PAM: variants seen among roughly 807,000 people sequenced by gnomAD.
PAM encodes peptidyl-glycine alpha-amidating monooxygenase.
A neutral mutation model predicts 122.1 loss-of-function variants in PAM; 72 were observed. The observed-to-expected ratio is 0.59, with a 90% CI of 0.49 to 0.72. PAM has a LOEUF of 0.72. Among genes scored for constraint, PAM ranks in the 30% least tolerant of loss-of-function variants. The pLI, the probability that PAM is intolerant of heterozygous loss-of-function variation, is 0.00. For synonymous variants in PAM, 389 were observed against 404.4 expected (o/e 0.96, Z 0.46); for missense variants, 1,106 against 1,183.7 (o/e 0.93, Z 0.96).
chr5:102,983,762 G>C (rs931030799), intron 15 of PAM, among the ~76,000 whole-genome samples: 1 of 152,084 alleles, frequency 6.6e-6, no homozygotes, highest in African/African-American at 2.4e-5. Context: ...GTTAAAAACA[G>C]AGACTAAATT....
chr5:102,886,964 G>T (rs775417546), intron 3 of PAM, among the ~76,000 whole-genome samples: 15 of 152,052 alleles, frequency 9.9e-5, no homozygotes, highest in Non-Finnish European at 2.1e-4. Flanking sequence ...AAAGTAAGTT[G>T]GATGATGACC....
chr5:102,938,455 A>C (rs1001653756), intron 7 of PAM, among the ~76,000 whole-genome samples: 1 of 152,192 alleles, frequency 6.6e-6, no homozygotes, highest in Non-Finnish European at 1.5e-5. Context: ...GATTTTTAAA[A>C]AAGTAATTCA....
intron 5 of PAM, among the ~76,000 whole-genome samples, chr5:102,923,398 C>T (rs1254234037): frequency 6.6e-6 from 1 of 152,160 alleles, no homozygotes; most frequent in Non-Finnish European, 1.5e-5. Flanking sequence ...GGGCAGTGTA[C>T]ATTTTTTTCT....
In PAM at chr5:102,944,631, A is replaced by G. The variant is rs376865257; in HGVS notation, c.527-2206A>G. Among the ~76,000 whole-genome samples the G allele has an allele frequency of 1.2e-4, 19 of 152,262 alleles. No homozygotes were observed. The East Asian group carries it at 3.1e-3, about 25-fold the overall frequency. ...CTTCAAGCCCAAAACTCAGAAAAAA[A>G]ATAAGGTTGTCTTGGGACTGGTCAA... On this transcript the variant is annotated intron_variant, in intron 7 of 25. Coordinates refer to ENST00000438793, the MANE Select transcript of PAM (RefSeq NM_001177306.2).
At chr5:102,802,682 A>G (rs1390975861) in intron 1 of PAM, among the ~76,000 whole-genome samples, 1 of 152,182 alleles carries the variant, frequency 6.6e-6, no homozygotes, top group Non-Finnish European at 1.5e-5. Flanking sequence ...CTATTTCTGT[A>G]TCACCCAGTT....
chr5:102,878,931 T>G (rs1025273947), intron 3 of PAM, among the ~76,000 whole-genome samples: 5 of 152,180 alleles, frequency 3.3e-5, no homozygotes, highest in East Asian at 3.9e-4. Context: ...TCTTTTTTTT[T>G]TTGTTTTTTG....
chr5:102,995,702 T>C (rs1377718321), intron 16 of PAM, among the ~76,000 whole-genome samples: 1 of 152,116 alleles, frequency 6.6e-6, no homozygotes, highest in Non-Finnish European at 1.5e-5. Flanking sequence ...TTCTTTTTTC[T>C]CTTCCTATCT....
chr5:102,949,685 C>A (rs1758147401), intron 10 of PAM, 68 bp downstream of exon 10: 1 of 851,898 alleles, frequency 1.2e-6, no homozygotes, highest in Non-Finnish European at 2.0e-6. Context: ...AATTAAAATG[C>A]AAATTGTGTT....
At chr5:102,916,709 T>C (rs1413369090) in intron 5 of PAM, among the ~76,000 whole-genome samples, 1 of 146,396 alleles carries the variant, frequency 6.8e-6, no homozygotes, top group Non-Finnish European at 1.5e-5. Flanking sequence ...TAATATATGA[T>C]ATATATTATA....
At chr5:102,830,469 G>C (rs536105265) in intron 1 of PAM, among the ~76,000 whole-genome samples, 40 of 152,156 alleles carry the variant, frequency 2.6e-4, no homozygotes, top group Non-Finnish European at 3.7e-4. Context: ...CTTTTCATAG[G>C]GTTTTTCATA....
intron 15 of PAM, among the ~76,000 whole-genome samples, chr5:102,975,709 G>T (rs1767412568): frequency 6.6e-6 from 1 of 152,132 alleles, no homozygotes; most frequent in Non-Finnish European, 1.5e-5. Flanking sequence ...AGGAATGTCT[G>T]CCTGAACTTA....
intron 15 of PAM, among the ~76,000 whole-genome samples, chr5:102,975,630 A>G (rs983326105): frequency 6.6e-6 from 1 of 152,178 alleles, no homozygotes; most frequent in Non-Finnish European, 1.5e-5. Flanking sequence ...GAACAACTGA[A>G]TCAGCATTTC....
intron 7 of PAM, among the ~76,000 whole-genome samples, chr5:102,932,949 T>G (rs573219015): frequency 1.3e-5 from 2 of 152,310 alleles, no homozygotes; most frequent in South Asian, 4.1e-4. Flanking sequence ...TCCTTTGTTG[T>G]CAAGCTACCA....
chr5:102,824,165 T>C (rs1772886432), intron 1 of PAM, among the ~76,000 whole-genome samples: 1 of 152,152 alleles, frequency 6.6e-6, no homozygotes, highest in South Asian at 2.1e-4. Context: ...GAAGAAGAGC[T>C]ATTGCAAGAA....
Position 102,902,359 on chromosome 5 carries a change from A to G in PAM, c.268+946A>G, listed in dbSNP as rs112149716. ...CAATGTGCATTTTTTATTCACACAC[A>G]TTGGTGGCAATTACAACAGCAAATA... On this transcript the variant is annotated intron_variant, in intron 4 of 25. Transcript: ENST00000438793. Among the ~76,000 whole-genome samples the G allele has an allele frequency of 2.5e-3, 385 of 151,728 alleles. 3 individuals carry two copies. Among genetic ancestry groups the G allele is most frequent in the African/African-American group, 8.6e-3 (356 of 41,502 alleles).
At chr5:102,859,903 G>A (rs145943089) in intron 1 of PAM, among the ~76,000 whole-genome samples, 369 of 152,292 alleles carry the variant, frequency 2.4e-3, no homozygotes, top group Admixed American at 3.7e-3. Context: ...TAGCCTAGGA[G>A]CAGTAGACCG....
At chr5:103,014,478 A>G (rs1781460832) in intron 21 of PAM, among the ~76,000 whole-genome samples, 2 of 152,216 alleles carry the variant, frequency 1.3e-5, no homozygotes, top group South Asian at 4.1e-4. Context: ...CAGTAAACTG[A>G]AATCAGTTTA....
At chr5:102,760,151 T>C (rs1751875951) in intron 1 of PAM, among the ~76,000 whole-genome samples, 1 of 152,200 alleles carries the variant, frequency 6.6e-6, no homozygotes, top group African/African-American at 2.4e-5. Flanking sequence ...AGGTATTCTT[T>C]CCCTCTGAAG....
chr5:102,821,367 T>G (rs1296729452), intron 1 of PAM, among the ~76,000 whole-genome samples: 1 of 152,202 alleles, frequency 6.6e-6, no homozygotes, highest in African/African-American at 2.4e-5. Context: ...CAGAGGTATG[T>G]CTAAGAACAC....
Sources: gnomAD v4.1 joint callset for allele counts (sites outside exome capture counted in the v4.1 genomes callset) on GRCh38, gnomAD v4.1.1 for gene constraint, MANE v1.5 for transcripts, NCBI Gene and HGNC (gene_info 2026-07-23, HGNC 2026-07-21) for gene names.